The following RYR3 variants were observed in gnomAD, a reference collection of about 807,000 sequenced individuals.
The protein encoded by RYR3 is ryanodine receptor 3.
In RYR3, 207 loss-of-function variants were observed where a neutral mutation model predicts 584.3. The ratio of observed to expected loss-of-function variants is 0.35; its 90% confidence interval spans 0.32 to 0.40. The LOEUF (loss-of-function observed/expected upper bound fraction) is 0.40, where lower values mean the gene tolerates loss of function less well. Ranked by LOEUF, RYR3 falls within the 10% of genes least tolerant of loss-of-function variation. The probability of loss-of-function intolerance (pLI) is 1.00; values close to 1 mark genes in which losing one functional copy is unlikely to be tolerated. For synonymous variants in RYR3, 2,416 were observed against 2,248.5 expected, an observed-to-expected ratio of 1.07 and a Z score of -2.11; for missense variants, 5,616 against 6,089.2, an observed-to-expected ratio of 0.92 and a Z score of 2.59.
rs370194867 is a variant in RYR3 at position 33,370,288 on chromosome 15, G to T, written c.51+59192G>T. On this transcript the variant is annotated intron_variant, in intron 1 of 103. Coordinates refer to ENST00000634891, the MANE Select transcript of RYR3 (RefSeq NM_001036.6). ...CCCTTTCCTCTACACACTCTGACAC[G>T]GTTTCCACATGGTCTGCCCCACCTC... Among the ~76,000 whole-genome samples the T allele has an allele frequency of 5.3e-5, 8 of 152,136 alleles. No homozygotes were observed. In the East Asian group the frequency reaches 1.5e-3, roughly 29 times the overall value.
chr15:33,738,266 T>C (rs1294826965), intron 49 of RYR3, among the ~76,000 whole-genome samples, 184 bp from the exon 50 acceptor site: 2 of 152,114 alleles, frequency 1.3e-5, no homozygotes, highest in African/African-American at 4.8e-5. Flanking sequence ...AGCTGACTGT[T>C]CCCAGCTTGA....
At chr15:33,833,761 A>G (rs1272418593) in intron 86 of RYR3, among the ~76,000 whole-genome samples, 1 of 152,230 alleles carries the variant, frequency 6.6e-6, no homozygotes, top group Non-Finnish European at 1.5e-5. Context: ...GAATGTACAT[A>G]AACAGTGATT....
chr15:33,805,851 C>G (rs1168799289), intron 69 of RYR3, among the ~76,000 whole-genome samples: 4 of 151,842 alleles, frequency 2.6e-5, no homozygotes, highest in Non-Finnish European at 4.4e-5. Context: ...TACTCTGTCT[C>G]TCTCTCTCAT....
intron 1 of RYR3, among the ~76,000 whole-genome samples, chr15:33,336,549 G>GAAA (rs1270375407): frequency 8.1e-6 from 1 of 122,872 alleles, no homozygotes; most frequent in African/African-American, 3.2e-5. Context: ...AGGGAAGGAG[G>GAAA]GAAGGAAGGA....
chr15:33,800,473 CT>C (rs1454048967), intron 67 of RYR3, among the ~76,000 whole-genome samples: 2 of 152,174 alleles, frequency 1.3e-5, no homozygotes, highest in Non-Finnish European at 2.9e-5. Flanking sequence ...ACATAACCTA[CT>C]TTTGACCATT....
chr15:33,696,139 T>G, intron 38 of RYR3, 79 bp from the exon 39 acceptor site: 1 of 1,374,638 alleles, frequency 7.3e-7, no homozygotes, highest in Non-Finnish European at 1.0e-6. Context: ...TGTCTTCTAT[T>G]TGCATGAAGT....
At chr15:33,674,509 AAC>A (rs1264712577) in intron 38 of RYR3, among the ~76,000 whole-genome samples, 1 of 152,204 alleles carries the variant, frequency 6.6e-6, no homozygotes, top group African/African-American at 2.4e-5. Context: ...TAATGCAGGG[AAC>A]ATGTCGTACT....
chr15:33,837,287 GT>G (rs2078109817), intron 88 of RYR3, among the ~76,000 whole-genome samples: 1 of 152,142 alleles, frequency 6.6e-6, no homozygotes, highest in Admixed American at 6.5e-5. Context: ...GGCTGCCAGT[GT>G]GTATGCCAGC....
intron 99 of RYR3, 102 bp from the exon 100 acceptor site, chr15:33,859,473 T>TA (rs1448672589): frequency 7.4e-7 from 1 of 1,352,952 alleles, no homozygotes; most frequent in Non-Finnish European, 1.0e-6. Flanking sequence ...TCTCGTGGCT[T>TA]AGGGCTGCCA....
chr15:33,673,467 G>T (rs994200911), intron 38 of RYR3, among the ~76,000 whole-genome samples: 2 of 152,172 alleles, frequency 1.3e-5, no homozygotes, highest in African/African-American at 4.8e-5. Context: ...TATTATCAAA[G>T]GATCAAATGA....
At chr15:33,536,679 A>G (rs1437279370) in intron 5 of RYR3, among the ~76,000 whole-genome samples, 2 of 152,172 alleles carry the variant, frequency 1.3e-5, no homozygotes, top group Admixed American at 1.3e-4. Flanking sequence ...TTCCCCTTCA[A>G]ATGTAGAGCT....
At chr15:33,862,254 C>G (rs994488734) in intron 102 of RYR3, among the ~76,000 whole-genome samples, 15 of 152,192 alleles carry the variant, frequency 9.9e-5, no homozygotes, top group African/African-American at 3.6e-4. Context: ...ACCCCGTTGC[C>G]CAGGCTCGAG....
Position 33,566,736 on chromosome 15 carries a change from G to T in RYR3, c.1205G>T (p.Arg402Leu), listed in dbSNP as rs757634718. Residue 402 changes from arginine (R) to leucine (L), a missense_variant, in exon 12 of 104, where the codon CGT becomes CTT. Physicochemically the swap from Arg to Leu is moderately radical, Grantham distance 102. This residue lies in a region of RYR3 where 1,284 missense variants were observed against 1,344.6 expected (regional missense o/e 0.95). Transcript: ENST00000634891. ...GGATTAACACTGCAGAGATGCCAGC[G>T]TGAGGAGTCCCAGGCTGCTCGGATC... ...DDGLTLQRCQ[R>L]EESQAARIIR... 1.9e-6 allele frequency: 3 copies of T among 1,613,650 alleles called. No homozygotes were observed. Among genetic ancestry groups the T allele is most frequent in the Admixed American group, 1.7e-5 (1 of 60,008 alleles).
In RYR3 at chr15:33,821,282, G is replaced by C; in HGVS notation, c.10828G>C (p.Glu3610Gln). 6.3e-7 allele frequency: 1 copy of C among 1,595,644 alleles called. No homozygotes were observed. Among genetic ancestry groups the C allele is most frequent in the Non-Finnish European group, 8.5e-7 (1 of 1,171,258 alleles). Residue 3610 changes from glutamate to glutamine, a missense_variant, in exon 79 of 104, where the codon GAG becomes CAG. Transcript: ENST00000634891. ...TTTTTCCCCCCAGGAGAAAGAGATG[G>C]AGAAGCAAAAAACCCTCTATCAGCA... ...KEKTFEEKEM[E>Q]KQKTLYQQAR...
At chr15:33,457,268 T>C (rs2572194) in intron 1 of RYR3, among the ~76,000 whole-genome samples, 15,735 of 152,238 alleles carry the variant, frequency 0.1, 992 homozygotes, top group African/African-American at 0.16. Flanking sequence ...TTGATTCTTC[T>C]TGAAATCGGT....
intron 2 of RYR3, among the ~76,000 whole-genome samples, chr15:33,482,218 A>G (rs2050038076): frequency 6.6e-6 from 1 of 152,086 alleles, no homozygotes; most frequent in African/African-American, 2.4e-5. Flanking sequence ...ATAAAAAATC[A>G]TTATTTAGTT....
chr15:33,782,908 G>C (rs1292882272), intron 65 of RYR3, among the ~76,000 whole-genome samples: 1 of 152,148 alleles, frequency 6.6e-6, no homozygotes, highest in Non-Finnish European at 1.5e-5. Flanking sequence ...TAAATCCTTA[G>C]TTATGGGTGG....
chr15:33,497,348 C>T (rs1266716494), intron 2 of RYR3, among the ~76,000 whole-genome samples: 1 of 152,094 alleles, frequency 6.6e-6, no homozygotes, highest in African/African-American at 2.4e-5. Context: ...GTCCTTTTTG[C>T]TTTCTGTCCC....
rs369092039 is a variant in RYR3, at chr15:33,707,047, C to T, written c.6612C>T (p.Phe2204=). 1.9e-5 allele frequency: 31 copies of T among 1,613,842 alleles called. No homozygotes were observed. Among genetic ancestry groups the T allele is most frequent in the Non-Finnish European group, 2.5e-5 (29 of 1,179,818 alleles). The change falls in exon 43 of 104, where the codon TTC becomes TTT. Residue 2204 remains phenylalanine, a synonymous_variant. Transcript: ENST00000634891. ...TGTCCTTCCTGAGGTTTGCTGTCTT[C>T]GTGAACAGTGAGTCCCACATTTTTC... is the stretch of plus-strand genomic sequence containing the variant. ...RYLSFLRFAV[F]VNSESVEENA...
Sources: gnomAD v4.1 joint callset for allele counts (sites outside exome capture counted in the v4.1 genomes callset) on GRCh38, gnomAD v4.1.1 for gene constraint, gnomAD v4.1.1 regional missense constraint, MANE v1.5 for transcripts, NCBI Gene and HGNC (gene_info 2026-07-23, HGNC 2026-07-21) for gene names.